Variants in OPCML observed in about 807,000 individuals in gnomAD.
OPCML encodes the protein opioid binding protein/cell adhesion molecule like.
Under a neutral mutation model 37.8 loss-of-function variants are expected in OPCML, and 13 were observed. That is an observed-to-expected ratio of 0.34 (90% CI 0.22 to 0.55). The LOEUF (loss-of-function observed/expected upper bound fraction) is 0.55. Ranked by LOEUF, OPCML falls within the 20% of genes least tolerant of loss-of-function variation. The pLI, the probability that OPCML is intolerant of heterozygous loss-of-function variation, is 0.91. For missense variants in OPCML, 341 were observed against 435.6 expected (o/e 0.78, Z 1.93); for synonymous variants, 176 against 168.8 (o/e 1.04, Z -0.33).
chr11:133,092,803 T>C (rs1948928833), intron 1 of OPCML, among the ~76,000 whole-genome samples: 1 of 151,828 alleles, frequency 6.6e-6, no homozygotes, highest in Non-Finnish European at 1.5e-5. Context: ...TACATCTTTA[T>C]GAGATAAAGG....
intron 1 of OPCML, among the ~76,000 whole-genome samples, chr11:133,219,474 C>T (rs921008293): frequency 2.0e-5 from 3 of 152,182 alleles, no homozygotes; most frequent in African/African-American, 7.2e-5. Flanking sequence ...AATTAAATAA[C>T]CACCTGTGGC....
intron 2 of OPCML, among the ~76,000 whole-genome samples, chr11:132,875,695 C>T (rs1942983319): frequency 6.6e-6 from 1 of 152,090 alleles, no homozygotes; most frequent in Admixed American, 6.5e-5. Context: ...AACTCACGAC[C>T]TCAGGGGCCC....
intron 1 of OPCML, among the ~76,000 whole-genome samples, chr11:133,283,046 G>A (rs1393986187): frequency 6.6e-6 from 1 of 152,172 alleles, no homozygotes; most frequent in Non-Finnish European, 1.5e-5. Context: ...ATGAGACTTA[G>A]GACTTTGGAC....
intron 2 of OPCML, among the ~76,000 whole-genome samples, chr11:132,748,667 G>C (rs1444803790): frequency 6.6e-6 from 1 of 152,142 alleles, no homozygotes; most frequent in African/African-American, 2.4e-5. Flanking sequence ...TGTTCATAGA[G>C]CCTTAGCTTT....
chr11:132,951,905 G>A (rs556890268), intron 1 of OPCML, among the ~76,000 whole-genome samples: 143 of 152,294 alleles, frequency 9.4e-4, no homozygotes, highest in Non-Finnish European at 1.6e-3. Context: ...TGCCCTGGAG[G>A]GGCTGTCCAG....
Position 132,776,171 on chromosome 11 carries a change from C to T in OPCML, c.147-118852G>A, listed in dbSNP as rs933402443. On this transcript the variant is annotated intron_variant, in intron 2 of 7. Transcript: ENST00000524381. ...CTAGAACTCCTGTCCTCAGGTGATC[C>T]GCCAGCCTCAGCCTCCCAAACTGCT... Among the ~76,000 whole-genome samples the T allele has an allele frequency of 2.6e-5, 4 of 152,316 alleles. No homozygotes were observed. In the East Asian group the frequency reaches 7.7e-4, roughly 29 times the overall value.
chr11:132,602,156 A>C (rs2137784788), intron 3 of OPCML, among the ~76,000 whole-genome samples: 1 of 152,284 alleles, frequency 6.6e-6, no homozygotes, highest in African/African-American at 2.4e-5. Context: ...CAGATGTCAG[A>C]TTTCCACAGA....
In OPCML at chr11:132,637,825, G is replaced by A. The variant is rs773312376; in HGVS notation, c.379+19262C>T. 1.2e-4 allele frequency among the ~76,000 whole-genome samples: 18 copies of A among 152,040 alleles called. No homozygotes were observed. The South Asian group carries it at 2.1e-3, about 18-fold the overall frequency. ...AGATTCATTCACACTGATTGATCAC[G>A]TGCCTGTGTTCAGAGCCAGGCTCTT... On this transcript the variant is annotated intron_variant, in intron 3 of 7. Coordinates refer to ENST00000524381, the MANE Select transcript of OPCML (RefSeq NM_001012393.5).
At chr11:133,456,511 G>C (rs546815022) in intron 1 of OPCML, among the ~76,000 whole-genome samples, 1 of 151,820 alleles carries the variant, frequency 6.6e-6, no homozygotes, top group Non-Finnish European at 1.5e-5. Flanking sequence ...AAAATAAAAG[G>C]AACAAAATAA....
chr11:132,791,572 GCTGAC>G (rs1376099958), intron 2 of OPCML, among the ~76,000 whole-genome samples: 2 of 152,050 alleles, frequency 1.3e-5, no homozygotes, highest in Admixed American at 6.5e-5. Flanking sequence ...GCTTATAGAG[GCTGAC>G]CTCTTTTGAC....
At chr11:132,479,961 C>T (rs2096173363) in intron 4 of OPCML, among the ~76,000 whole-genome samples, 1 of 152,174 alleles carries the variant, frequency 6.6e-6, no homozygotes, top group Non-Finnish European at 1.5e-5. Flanking sequence ...AAGCAGAGCG[C>T]CTCTCCTCCT....
intron 3 of OPCML, among the ~76,000 whole-genome samples, chr11:132,542,579 C>A (rs758069809): frequency 2.0e-5 from 3 of 152,082 alleles, no homozygotes; most frequent in Non-Finnish European, 2.9e-5. Flanking sequence ...TGGCACCTGG[C>A]GACTTGGGAG....
chr11:133,434,542 C>T (rs1946191589), intron 1 of OPCML, among the ~76,000 whole-genome samples: 1 of 151,942 alleles, frequency 6.6e-6, no homozygotes. Flanking sequence ...ATTCAATACT[C>T]CATGGCTGAA....
intron 2 of OPCML, among the ~76,000 whole-genome samples, chr11:132,875,633 T>G (rs1045234116): frequency 2.0e-5 from 3 of 152,006 alleles, no homozygotes; most frequent in Admixed American, 1.3e-4. Context: ...CCTGGCTAAT[T>G]TTGTATTTCT....
intron 1 of OPCML, among the ~76,000 whole-genome samples, chr11:133,218,853 C>G (rs1465132499): frequency 6.6e-6 from 1 of 152,198 alleles, no homozygotes; most frequent in Non-Finnish European, 1.5e-5. Context: ...TGGACCCTTA[C>G]TAGAGGCAGG....
chr11:133,391,233 G>A (rs1945168368), intron 1 of OPCML, among the ~76,000 whole-genome samples: 1 of 152,182 alleles, frequency 6.6e-6, no homozygotes. Context: ...CCCTCCTAGT[G>A]AGATGTGCCC....
chr11:133,256,594 T>A (rs943118270), intron 1 of OPCML, among the ~76,000 whole-genome samples: 2 of 152,228 alleles, frequency 1.3e-5, no homozygotes, highest in African/African-American at 2.4e-5. Context: ...TTTTACGTGA[T>A]ATGTGGTGGG....
chr11:133,240,770 C>T (rs530074107), intron 1 of OPCML, among the ~76,000 whole-genome samples: 4 of 152,318 alleles, frequency 2.6e-5, no homozygotes, highest in Middle Eastern at 6.8e-3. Context: ...TTCTCCTCAT[C>T]ACCTCCTTCT....
intron 1 of OPCML, among the ~76,000 whole-genome samples, chr11:133,454,858 A>G (rs1378440335): frequency 6.6e-6 from 1 of 152,192 alleles, no homozygotes; most frequent in Non-Finnish European, 1.5e-5. Context: ...TCTTGATACT[A>G]TAAAAAAGGA....
Sources: allele counts gnomAD v4.1 joint callset (sites outside exome capture counted in the v4.1 genomes callset), GRCh38; gene constraint gnomAD v4.1.1; transcripts MANE v1.5; gene names NCBI Gene and HGNC (gene_info 2026-07-23, HGNC 2026-07-21).